The following NRF1 variants were observed in gnomAD, a reference collection of about 807,000 sequenced individuals.
The protein encoded by NRF1 is alpha palindromic-binding protein.
Under a neutral mutation model 58.5 loss-of-function variants are expected in NRF1, and 5 were observed. That is an observed-to-expected ratio of 0.09 (90% CI 0.04 to 0.18). NRF1 has a LOEUF of 0.18. Ranked by LOEUF, NRF1 falls within the 10% of genes least tolerant of loss-of-function variation. The pLI is 1.00. For synonymous variants in NRF1, 224 were observed against 246.7 expected (o/e 0.91, Z 0.86); for missense variants, 288 against 657.7 (o/e 0.44, Z 6.15).
At chr7:129,691,916 G>A (rs1003610190) in intron 5 of NRF1, among the ~76,000 whole-genome samples, 4 of 151,942 alleles carry the variant, frequency 2.6e-5, no homozygotes, top group Non-Finnish European at 4.4e-5. Flanking sequence ...ACTGTTAGAT[G>A]TCTGGTCCTC....
At chr7:129,709,876 A>G (rs1330482662) in intron 6 of NRF1, among the ~76,000 whole-genome samples, 1 of 151,666 alleles carries the variant, frequency 6.6e-6, no homozygotes, top group Admixed American at 6.6e-5. Flanking sequence ...GATTACAGGC[A>G]TGCACCACCA....
At chr7:129,657,728 G>C (rs1241044753) in intron 2 of NRF1, among the ~76,000 whole-genome samples, 154 bp downstream of exon 2, 2 of 150,852 alleles carry the variant, frequency 1.3e-5, no homozygotes, top group African/African-American at 4.9e-5. Context: ...TCCCATCTCA[G>C]CCTCTGGAGT....
rs562357707 is a variant in NRF1, at chr7:129,685,493, A to T, written c.466-4913A>T. On this transcript the variant is annotated intron_variant, in intron 4 of 10. Coordinates refer to ENST00000393232, the MANE Select transcript of NRF1 (RefSeq NM_005011.5). Reference sequence around the variant, plus strand: ...AAATGTTTGTTAATGTGTTACCTGTATATGTATATTTAAAATATTTTATAT... The same window carrying T: ...AAATGTTTGTTAATGTGTTACCTGTTTATGTATATTTAAAATATTTTATAT... Among the ~76,000 whole-genome samples, 10 of 152,164 alleles carry T rather than the reference A, an allele frequency of 6.6e-5. 3 individuals carry two copies. The highest frequency in any genetic ancestry group is 6.5e-4 in the Admixed American group (10 of 15,272).
chr7:129,658,149 T>C (rs1278650308), intron 2 of NRF1, among the ~76,000 whole-genome samples: 1 of 152,210 alleles, frequency 6.6e-6, no homozygotes, highest in Non-Finnish European at 1.5e-5. Flanking sequence ...GCCCTACCTG[T>C]TCTGTTTACT....
At chr7:129,717,112 A>T in intron 8 of NRF1, 107 bp from the exon 9 acceptor site, 2 of 1,075,426 alleles carry the variant, frequency 1.9e-6, no homozygotes, top group Non-Finnish European at 2.6e-6. Flanking sequence ...TGTTAATTTT[A>T]AAGAGTATGT....
intron 2 of NRF1, among the ~76,000 whole-genome samples, chr7:129,668,344 T>C (rs774600126): frequency 6.6e-5 from 10 of 152,236 alleles, no homozygotes; most frequent in South Asian, 2.1e-4. Flanking sequence ...AGTGGAGATA[T>C]AACCTTAATG....
At chr7:129,640,062 T>C (rs748645618) in intron 1 of NRF1, among the ~76,000 whole-genome samples, 10 of 152,126 alleles carry the variant, frequency 6.6e-5, no homozygotes, top group Admixed American at 3.3e-4. Flanking sequence ...GTCAGACCTC[T>C]CAGTTTGTGG....
At chr7:129,629,044 C>T (rs536882984) in intron 1 of NRF1, among the ~76,000 whole-genome samples, 2 of 152,136 alleles carry the variant, frequency 1.3e-5, no homozygotes, top group African/African-American at 4.8e-5. Context: ...ACAAGTTTTC[C>T]GAAATTCTAA....
At chr7:129,691,819 C>A (rs1210934849) in intron 5 of NRF1, among the ~76,000 whole-genome samples, 1 of 152,162 alleles carries the variant, frequency 6.6e-6, no homozygotes, top group African/African-American at 2.4e-5. Flanking sequence ...CCTCATCCTT[C>A]ACTAGGTGCT....
chr7:129,739,454 C>T (rs1803797047), intron 10 of NRF1, among the ~76,000 whole-genome samples: 1 of 151,804 alleles, frequency 6.6e-6, no homozygotes, highest in African/African-American at 2.4e-5. Flanking sequence ...GTTGTACCCT[C>T]TCTGTACAGG....
chr7:129,653,877 C>T (rs370559665), intron 1 of NRF1, among the ~76,000 whole-genome samples: 3 of 152,202 alleles, frequency 2.0e-5, no homozygotes, highest in Admixed American at 6.5e-5. Context: ...CATTCACCTA[C>T]GGAAGGACAT....
intron 10 of NRF1, chr7:129,735,096 C>G (rs1803674988): frequency 2.0e-6 from 2 of 985,318 alleles, no homozygotes; most frequent in Admixed American, 6.1e-5. Context: ...TTGGGGTCCC[C>G]CAGAGATTTT....
At chr7:129,707,034 C>T (rs1802965428) in intron 5 of NRF1, among the ~76,000 whole-genome samples, 1 of 152,116 alleles carries the variant, frequency 6.6e-6, no homozygotes, top group South Asian at 2.1e-4. Context: ...CACTCTGTCA[C>T]CCAGGCTGGA....
intron 8 of NRF1, among the ~76,000 whole-genome samples, chr7:129,713,093 C>CTTT (rs536331873): frequency 3.8e-5 from 5 of 130,190 alleles, no homozygotes; most frequent in South Asian, 2.4e-4. Context: ...GTTGCGTTTC[C>CTTT]TTTTTTTTTT....
chr7:129,740,275 G>A (rs1459483234), intron 10 of NRF1, among the ~76,000 whole-genome samples: 1 of 152,200 alleles, frequency 6.6e-6, no homozygotes, highest in Non-Finnish European at 1.5e-5. Flanking sequence ...TTGGAGGCAT[G>A]CAGTAACTGT....
chr7:129,727,255 A>G lies in NRF1; in HGVS notation c.1238A>G (p.His413Arg), dbSNP rs1195853748. 4 of 1,598,004 alleles carry G rather than the reference A, an allele frequency of 2.5e-6. No individual in the cohort carries two copies. Among genetic ancestry groups the G allele is most frequent in the Admixed American group, 1.8e-5 (1 of 54,230 alleles). ...TMALNSEAAA[H>R]AVATLAEATL... Reference sequence around the variant, plus strand: ...TGTGCCCGCAGCGAAGCTGCCGCCCATGCTGTCGCCACCCTGGCTGAGGCC... The same window carrying G: ...TGTGCCCGCAGCGAAGCTGCCGCCCGTGCTGTCGCCACCCTGGCTGAGGCC... Residue 413 changes from histidine to arginine, a missense_variant, in exon 10 of 11, where the codon CAT becomes CGT. This residue lies in a region of NRF1 where 212 missense variants were observed against 559.7 expected (regional missense o/e 0.38). Coordinates refer to ENST00000393232, the MANE Select transcript of NRF1 (RefSeq NM_005011.5).
rs560288804 is a variant in NRF1, at chr7:129,674,250, A to G, written c.338+2707A>G. 2.2e-4 allele frequency among the ~76,000 whole-genome samples: 34 copies of G among 152,334 alleles called. 2 individuals are homozygous for G. The South Asian group carries it at 6.4e-3, about 29-fold the overall frequency. On this transcript the variant is annotated intron_variant, in intron 3 of 10. Coordinates refer to ENST00000393232, the MANE Select transcript of NRF1 (RefSeq NM_005011.5). ...TCTGAAGCTACAACATTTTAAAAGC[A>G]TAGGTATACCTCAGAGATATTGCAG...
At chr7:129,702,161 C>T (rs1802840711) in intron 5 of NRF1, among the ~76,000 whole-genome samples, 1 of 152,138 alleles carries the variant, frequency 6.6e-6, no homozygotes, top group African/African-American at 2.4e-5. Context: ...ATATTATTTA[C>T]ATTTTTGTAC....
At chr7:129,632,562 C>A (rs909011011) in intron 1 of NRF1, among the ~76,000 whole-genome samples, 1 of 151,892 alleles carries the variant, frequency 6.6e-6, no homozygotes, top group African/African-American at 2.4e-5. Flanking sequence ...CCAGCTGTGA[C>A]CATTATTCTC....
Sources: gnomAD v4.1 joint callset for allele counts (sites outside exome capture counted in the v4.1 genomes callset) on GRCh38, gnomAD v4.1.1 for gene constraint, gnomAD v4.1.1 regional missense constraint, MANE v1.5 for transcripts, NCBI Gene and HGNC (gene_info 2026-07-23, HGNC 2026-07-21) for gene names.